Variants in DPM1 observed in about 807,000 individuals in gnomAD.
DPM1 encodes the protein dolichol-phosphate mannosyltransferase subunit 1.
Under a neutral mutation model 39.0 loss-of-function variants are expected in DPM1, and 27 were observed. The observed-to-expected ratio is 0.69, with a 90% CI of 0.51 to 0.95. The LOEUF is 0.95. Ranked by LOEUF, DPM1 falls within the 40% of genes least tolerant of loss-of-function variation. The pLI is 0.00. For missense variants in DPM1, 307 were observed against 315.6 expected (o/e 0.97, Z 0.21); for synonymous variants, 124 against 109.0 (o/e 1.14, Z -0.86).
chr20:50,953,492 T>C (rs1986682424), intron 2 of DPM1, among the ~76,000 whole-genome samples: 1 of 152,192 alleles, frequency 6.6e-6, no homozygotes, highest in Non-Finnish European at 1.5e-5. Flanking sequence ...ATCCCTAGCA[T>C]GGATTAATAC....
At chr20:50,951,170 T>C (rs1986555147) in intron 2 of DPM1, among the ~76,000 whole-genome samples, 1 of 152,216 alleles carries the variant, frequency 6.6e-6, no homozygotes, top group African/African-American at 2.4e-5. Context: ...TTACCTCTTT[T>C]CAGACTGCAG....
chr20:50,947,263 C>T (rs1480370391), intron 3 of DPM1, among the ~76,000 whole-genome samples: 2 of 151,790 alleles, frequency 1.3e-5, no homozygotes, highest in Admixed American at 1.3e-4. Flanking sequence ...CCCAGCTACT[C>T]GGGAGGCTGA....
Position 50,936,151 on chromosome 20 carries a change from G to C in DPM1, c.675C>G (p.Gly225=), listed in dbSNP as rs1414447653. The part of the protein sequence containing the change: ...VRARQLNYTI[G]EVPISFVDRV... ...CTATTTAGCATCAGTTGCATACCTC[G>C]CCAATAGTATAATTCAACTGTCTTG... is the stretch of plus-strand genomic sequence containing the variant. Residue 225 remains glycine, a synonymous_variant, in exon 8 of 9, where the codon GGC becomes GGG. Coordinates refer to ENST00000371588, the MANE Select transcript of DPM1 (RefSeq NM_003859.3). 6.2e-7 allele frequency: 1 copy of C among 1,605,252 alleles called. No homozygotes were observed. The highest frequency in any genetic ancestry group is 8.5e-7 in the Non-Finnish European group (1 of 1,172,156).
chr20:50,935,151 G>A lies in DPM1; in HGVS notation c.764C>T (p.Thr255Ile). The A allele has an allele frequency of 6.3e-7, 1 of 1,591,406 alleles. No individual in the cohort carries two copies. The change falls in exon 9 of 9, where the codon ACT (threonine) becomes ATT (isoleucine). Residue 255 changes from threonine to isoleucine, a missense_variant. By Grantham distance (89) the Thr-to-Ile change is moderately conservative (BLOSUM62 -1). Around this residue, in one of 3 missense-constraint regions of DPM1, gnomAD observed 70 missense variants for 69.4 expected, o/e 1.01. Coordinates refer to ENST00000371588, the MANE Select transcript of DPM1 (RefSeq NM_003859.3). ...TTTCTTTTATGTAGTAGCAAAAAGA[G>A]TCAATAATCCTTTCAAGAAAGATAC... The part of the protein sequence containing the change: ...EIVSFLKGLL[T>I]LFATT
chr20:50,946,576 G>T (rs1009572077), intron 3 of DPM1, among the ~76,000 whole-genome samples: 1 of 152,158 alleles, frequency 6.6e-6, no homozygotes, highest in African/African-American at 2.4e-5. Context: ...AACCTGGTAC[G>T]CTAGACCCTT....
chr20:50,938,571 G>A lies in DPM1; in HGVS notation c.563+2294C>T, dbSNP rs563548197. 3.2e-4 allele frequency among the ~76,000 whole-genome samples: 49 copies of A among 151,250 alleles called. No homozygotes were observed. The South Asian group carries it at 6.3e-3, about 19-fold the overall frequency. Reference sequence around the variant, plus strand: ...CTAATTTTTTGTATTTTTAGTAGACGGGGTATCACCATGTTAGCCAGGATG... The same window carrying A: ...CTAATTTTTTGTATTTTTAGTAGACAGGGTATCACCATGTTAGCCAGGATG... On this transcript the variant is annotated intron_variant, in intron 7 of 8. Transcript: ENST00000371588.
intron 1 of DPM1, among the ~76,000 whole-genome samples, chr20:50,956,951 C>A (rs1170905891): frequency 6.6e-6 from 1 of 151,966 alleles, no homozygotes; most frequent in East Asian, 1.9e-4. Context: ...TCATTTTGAT[C>A]TTAAAAGATT....
At position 50,958,464 on chromosome 20, in the gene DPM1, G is replaced by A; in HGVS notation, c.60C>T (p.Arg20=). The stretch of plus-strand genomic sequence containing the variant: ...CCGAATATTTGTTCTGTCGTGGACT[G>A]CGCACTTCCAGCTCCCGCCGAGACC... The part of the protein sequence containing the change: ...PRRSRRELEV[R]SPRQNKYSVL... Residue 20 remains arginine (R), a synonymous_variant, in exon 1 of 9, where the codon CGC becomes CGT. Transcript: ENST00000371588. 6 of 1,613,890 alleles carry A rather than the reference G, an allele frequency of 3.7e-6. No individual in the cohort carries two copies. Among genetic ancestry groups the A allele is most frequent in the Non-Finnish European group, 5.1e-6 (6 of 1,179,994 alleles).
chr20:50,945,685 A>T, intron 5 of DPM1, 52 bp downstream of exon 5: 1 of 1,431,136 alleles, frequency 7.0e-7, no homozygotes, highest in Non-Finnish European at 9.8e-7. Context: ...CAAAACCAGT[A>T]AGATAAATGT....
chr20:50,949,155 G>A (rs150987135), intron 2 of DPM1, among the ~76,000 whole-genome samples: 93 of 152,288 alleles, frequency 6.1e-4, no homozygotes, highest in African/African-American at 2.0e-3. Context: ...CACCGCGCCC[G>A]TCCAGCAAAG....
intron 2 of DPM1, among the ~76,000 whole-genome samples, chr20:50,951,736 TGAG>T (rs1986587607): frequency 6.6e-6 from 1 of 151,714 alleles, no homozygotes; most frequent in Non-Finnish European, 1.5e-5. Flanking sequence ...TGCAGTGAGC[TGAG>T]ATCTTGCCAT....
rs112242806 is a variant in DPM1, at chr20:50,936,931, C to T, written c.564-669G>A. Among the ~76,000 whole-genome samples the T allele has an allele frequency of 1.5e-3, 232 of 152,270 alleles. 1 individual carries two copies. Among genetic ancestry groups the T allele is most frequent in the Non-Finnish European group, 2.9e-3 (200 of 68,028 alleles). ...GTGCAGCCTAACTTTAGATGGACTG[C>T]AGGCCAAACACCAGATTTACAAAGA... is the stretch of plus-strand genomic sequence containing the variant. On this transcript the variant is annotated intron_variant, in intron 7 of 8. Coordinates refer to ENST00000371588, the MANE Select transcript of DPM1 (RefSeq NM_003859.3).
intron 1 of DPM1, 55 bp from the exon 2 acceptor site, chr20:50,955,340 G>A: frequency 7.7e-7 from 1 of 1,300,254 alleles, no homozygotes; most frequent in East Asian, 2.4e-5. Flanking sequence ...AAATTTAAAA[G>A]TAATTTAAAA....
chr20:50,936,891 T>A (rs1219771997), intron 7 of DPM1, among the ~76,000 whole-genome samples: 4 of 152,142 alleles, frequency 2.6e-5, no homozygotes, highest in Non-Finnish European at 5.9e-5. Flanking sequence ...GTTAGACACT[T>A]AACAGTGGGT....
At chr20:50,954,532 TA>T (rs1986734141) in intron 2 of DPM1, among the ~76,000 whole-genome samples, 1 of 152,324 alleles carries the variant, frequency 6.6e-6, no homozygotes, top group East Asian at 1.9e-4. Flanking sequence ...TAAACATTTG[TA>T]AATACAAACC....
chr20:50,937,021 G>C (rs575896312), intron 7 of DPM1, among the ~76,000 whole-genome samples: 3 of 151,712 alleles, frequency 2.0e-5, no homozygotes, highest in Admixed American at 6.6e-5. Context: ...ATAGCAGGGA[G>C]CTCCGTATTT....
chr20:50,948,768 C>T (rs1986423783), intron 2 of DPM1, 106 bp from the exon 3 acceptor site: 1 of 1,051,652 alleles, frequency 9.5e-7, no homozygotes, highest in African/African-American at 1.6e-5. Flanking sequence ...AATATAGTTG[C>T]ACTTGTTAGA....
chr20:50,956,675 A>C (rs905472584), intron 1 of DPM1, among the ~76,000 whole-genome samples: 3 of 152,268 alleles, frequency 2.0e-5, no homozygotes, highest in Non-Finnish European at 2.9e-5. Flanking sequence ...CTATTCTCCA[A>C]GAGTAGAACA....
At chr20:50,954,518 T>C (rs535426802) in intron 2 of DPM1, among the ~76,000 whole-genome samples, 1 of 152,330 alleles carries the variant, frequency 6.6e-6, no homozygotes, top group Non-Finnish European at 1.5e-5. Context: ...AGCTCGAGTA[T>C]ACATAAACAT....
Sources: allele counts gnomAD v4.1 joint callset (sites outside exome capture counted in the v4.1 genomes callset), GRCh38; gene constraint gnomAD v4.1.1; regional missense constraint gnomAD v4.1.1; transcripts MANE v1.5; gene names NCBI Gene and HGNC (gene_info 2026-07-23, HGNC 2026-07-21).